Variants in ABCB1 observed in about 807,000 individuals in gnomAD.
The protein encoded by ABCB1 is ATP-dependent translocase ABCB1.
Under a neutral mutation model 142.0 loss-of-function variants are expected in ABCB1, and 69 were observed. The observed-to-expected ratio is 0.49, with a 90% confidence interval of 0.40 to 0.59. ABCB1 has a LOEUF of 0.59. ABCB1 is among the 20% of genes least tolerant of loss of function. ABCB1 has a pLI of 0.00. For synonymous variants in ABCB1, 532 were observed against 539.2 expected, an observed-to-expected ratio of 0.99 and a Z score of 0.18; for missense variants, 1,326 against 1,554.7, an observed-to-expected ratio of 0.85 and a Z score of 2.47.
chr7:87,526,779 G>A (rs984131465), intron 21 of ABCB1, among the ~76,000 whole-genome samples: 1 of 152,160 alleles, frequency 6.6e-6, no homozygotes, highest in Non-Finnish European at 1.5e-5. Context: ...ATGCCTTCTT[G>A]TTGTACAACC....
intron 21 of ABCB1, among the ~76,000 whole-genome samples, chr7:87,527,556 T>C (rs1036200853): frequency 3.3e-5 from 5 of 152,170 alleles, no homozygotes; most frequent in South Asian, 2.1e-4. Flanking sequence ...ATGACTTTTC[T>C]CTGCTTGTTG....
intron 1 of ABCB1, among the ~76,000 whole-genome samples, chr7:87,633,999 C>G (rs1012080099): frequency 1.3e-5 from 2 of 152,080 alleles, no homozygotes; most frequent in African/African-American, 2.4e-5. Flanking sequence ...TGTGCTTCAT[C>G]AAAACATGGT....
At chr7:87,583,118 T>C (rs1448669305) in intron 4 of ABCB1, among the ~76,000 whole-genome samples, 9 of 152,220 alleles carry the variant, frequency 5.9e-5, no homozygotes, top group African/African-American at 2.2e-4. Context: ...AGTTATGTAA[T>C]TTCATTTGTG....
At chr7:87,644,371 G>A (rs1822768859) in intron 1 of ABCB1, among the ~76,000 whole-genome samples, 2 of 152,194 alleles carry the variant, frequency 1.3e-5, no homozygotes, top group African/African-American at 4.8e-5. Context: ...AATGGCAGAG[G>A]ATAATTACCT....
chr7:87,699,394 TTCAGAG>T (rs1415898155), intron 1 of ABCB1, among the ~76,000 whole-genome samples: 1 of 152,102 alleles, frequency 6.6e-6, no homozygotes, highest in Non-Finnish European at 1.5e-5. Flanking sequence ...GAGACTAATA[TTCAGAG>T]TCCTGTATAG....
intron 1 of ABCB1, among the ~76,000 whole-genome samples, chr7:87,630,248 T>C (rs1467662613): frequency 6.6e-6 from 1 of 152,234 alleles, no homozygotes; most frequent in Non-Finnish European, 1.5e-5. Context: ...TACAGATAAT[T>C]ATTCCAGGAC....
intron 15 of ABCB1, among the ~76,000 whole-genome samples, chr7:87,545,545 G>C (rs1816739366): frequency 6.6e-6 from 1 of 152,150 alleles, no homozygotes; most frequent in African/African-American, 2.4e-5. Flanking sequence ...TTCAGAACAA[G>C]ATGTGCACAC....
chr7:87,608,305 G>C (rs1819731057), intron 1 of ABCB1, among the ~76,000 whole-genome samples: 2 of 152,158 alleles, frequency 1.3e-5, no homozygotes, highest in Admixed American at 1.3e-4. Context: ...TTAGTACCTG[G>C]ATGTCTATAT....
chr7:87,552,797 A>C (rs1490593567), intron 9 of ABCB1, among the ~76,000 whole-genome samples: 8 of 152,040 alleles, frequency 5.3e-5, no homozygotes. Flanking sequence ...GATTCTACAA[A>C]ATATCATCTC....
chr7:87,640,127 A>G (rs955399020), intron 1 of ABCB1, among the ~76,000 whole-genome samples: 1 of 149,958 alleles, frequency 6.7e-6, no homozygotes, highest in African/African-American at 2.4e-5. Context: ...AACTTTTACT[A>G]CTTCTCCAAT....
intron 1 of ABCB1, among the ~76,000 whole-genome samples, chr7:87,695,529 C>T (rs1027580658): frequency 3.9e-5 from 6 of 151,962 alleles, no homozygotes; most frequent in Non-Finnish European, 8.8e-5. Context: ...ATTATCTTGT[C>T]TTTTGTTGAT....
At chr7:87,671,453 C>T (rs879401911) in intron 1 of ABCB1, among the ~76,000 whole-genome samples, 1 of 152,104 alleles carries the variant, frequency 6.6e-6, no homozygotes, top group Non-Finnish European at 1.5e-5. Context: ...GAATGGGCAC[C>T]TACTTAACAC....
At chr7:87,564,136 G>A (rs1234912096) in intron 7 of ABCB1, 2 of 453,258 alleles carry the variant, frequency 4.4e-6, no homozygotes, top group Non-Finnish European at 8.9e-6. Flanking sequence ...CTATGGAACA[G>A]ACCTGCACTT....
rs41297348 is a variant in ABCB1, at chr7:87,503,850, A to G, written c.*393T>C. On this transcript the variant is annotated 3_prime_UTR_variant, in exon 28 of 28. Transcript: ENST00000622132. ...AGATATATTCACAGGCAGTTTGGACAAGATGACTCCAGTCACATGAAAGTT... is the reference window on the plus strand; with the variant it reads ...AGATATATTCACAGGCAGTTTGGACGAGATGACTCCAGTCACATGAAAGTT... 2.0e-4 allele frequency: 50 copies of G among 254,956 alleles called. No individual in the cohort carries two copies. In the East Asian group the frequency reaches 3.0e-3, roughly 15 times the overall value. The allele number at this position is 254,956 out of a possible 1,614,324, so 15.8% of individuals were successfully genotyped here.
At chr7:87,693,877 G>C (rs1235423658) in intron 1 of ABCB1, 5 of 1,596,702 alleles carry the variant, frequency 3.1e-6, no homozygotes, top group African/African-American at 2.7e-5. Flanking sequence ...TTAAATATCT[G>C]TGTGTTGTTG....
chr7:87,666,863 C>A (rs1825305193), intron 1 of ABCB1, among the ~76,000 whole-genome samples: 1 of 152,056 alleles, frequency 6.6e-6, no homozygotes, highest in African/African-American at 2.4e-5. Flanking sequence ...GTTTTTGTAC[C>A]AGTACCATGC....
At chr7:87,710,484 T>A in intron 1 of ABCB1, 1 of 736,400 alleles carries the variant, frequency 1.4e-6, no homozygotes, top group East Asian at 2.8e-5. Context: ...ATGGCTGTTC[T>A]TTACATATTA....
At chr7:87,693,310 A>G (rs1182263782) in intron 1 of ABCB1, among the ~76,000 whole-genome samples, 1 of 152,222 alleles carries the variant, frequency 6.6e-6, no homozygotes, top group Non-Finnish European at 1.5e-5. Context: ...ACTGACCAAC[A>G]TTTTATATAA....
intron 15 of ABCB1, 128 bp from the exon 16 acceptor site, chr7:87,545,127 A>G (rs1816716899): frequency 1.2e-6 from 1 of 819,936 alleles, no homozygotes; most frequent in African/African-American, 1.7e-5. Flanking sequence ...GATAAAGCTA[A>G]TCTGCTGTGT....
Sources: allele counts gnomAD v4.1 joint callset (sites outside exome capture counted in the v4.1 genomes callset), GRCh38; gene constraint gnomAD v4.1.1; transcripts MANE v1.5; gene names NCBI Gene and HGNC (gene_info 2026-07-23, HGNC 2026-07-21).